The following KLF12 variants were observed in gnomAD, a reference collection of about 807,000 sequenced individuals.
The protein encoded by KLF12 is Krueppel-like factor 12.
In KLF12, 9 loss-of-function variants were observed where a neutral mutation model predicts 37.8. That is an observed-to-expected ratio of 0.24 (90% CI 0.14 to 0.42). The LOEUF (loss-of-function observed/expected upper bound fraction) is 0.42. Ranked by LOEUF, KLF12 falls within the 10% of genes least tolerant of loss-of-function variation. KLF12 has a pLI of 1.00. For missense variants in KLF12, 411 were observed against 516.0 expected (o/e 0.80, Z 1.97); for synonymous variants, 208 against 202.1 (o/e 1.03, Z -0.25).
chr13:73,781,388 C>T (rs1275061898), intron 5 of KLF12, among the ~76,000 whole-genome samples: 2 of 152,158 alleles, frequency 1.3e-5, no homozygotes, highest in East Asian at 3.9e-4. Context: ...AGGTACACCA[C>T]TATTTATTTT....
intron 1 of KLF12, among the ~76,000 whole-genome samples, chr13:74,121,289 C>A (rs1389986704): frequency 1.3e-5 from 2 of 152,044 alleles, no homozygotes; most frequent in African/African-American, 2.4e-5. Flanking sequence ...CCAGTAAATT[C>A]TCCCATACTT....
chr13:74,156,814 T>G, the KLF12 span, among the ~76,000 whole-genome samples: 1 of 152,236 alleles, frequency 6.6e-6, no homozygotes, highest in Non-Finnish European at 1.5e-5. Context: ...TCACTCTTTT[T>G]TCAATATGAC....
At chr13:74,216,330 G>T in the KLF12 span, among the ~76,000 whole-genome samples, 1 of 152,134 alleles carries the variant, frequency 6.6e-6, no homozygotes, top group South Asian at 2.1e-4. Context: ...TTTCAGTGGG[G>T]TTAGGTTTAA....
Position 73,883,219 on chromosome 13 carries a change from T to C in KLF12, c.124-36846A>G, listed in dbSNP as rs546170827. On this transcript the variant is annotated intron_variant, in intron 3 of 7. Transcript: ENST00000377669. ...TATTAAAAAGCAACTTCAATGAGAA[T>C]AGCAATAAACTCTTTAAAAACAAAA... 2.6e-5 allele frequency among the ~76,000 whole-genome samples: 4 copies of C among 152,280 alleles called. No homozygotes were observed. The South Asian group carries it at 8.3e-4, about 32-fold the overall frequency.
At chr13:74,032,358 G>A (rs945082645) in intron 1 of KLF12, among the ~76,000 whole-genome samples, 6 of 151,928 alleles carry the variant, frequency 3.9e-5, no homozygotes, top group African/African-American at 7.3e-5. Flanking sequence ...TTATGTAGCC[G>A]CATAAATGCT....
chr13:74,275,878 CTTCTTTCTTTCT>C, the KLF12 span, among the ~76,000 whole-genome samples: 2,522 of 52,772 alleles, frequency 0.048, 147 homozygotes, highest in South Asian at 0.09. Flanking sequence ...ATCTTTCTTT[CTTCTTTCTTTCT>C]TTCTTTCTTT....
chr13:74,201,301 C>T, the KLF12 span, among the ~76,000 whole-genome samples: 1 of 152,178 alleles, frequency 6.6e-6, no homozygotes, highest in East Asian at 1.9e-4. Context: ...CAACACCAGT[C>T]TGTATTGGTC....
chr13:74,141,328 C>T, the KLF12 span, among the ~76,000 whole-genome samples: 1 of 151,872 alleles, frequency 6.6e-6, no homozygotes, highest in African/African-American at 2.4e-5. Flanking sequence ...TTAGTTCTAC[C>T]ATAGTTGAAG....
chr13:73,705,369 G>T (rs1248737782), intron 7 of KLF12, among the ~76,000 whole-genome samples: 3 of 152,172 alleles, frequency 2.0e-5, no homozygotes, highest in African/African-American at 7.2e-5. Context: ...TGCCTCCCAG[G>T]TTCAAGCGAT....
At chr13:73,753,940 T>C (rs1878966201) in intron 6 of KLF12, among the ~76,000 whole-genome samples, 1 of 152,168 alleles carries the variant, frequency 6.6e-6, no homozygotes, top group African/African-American at 2.4e-5. Flanking sequence ...TTGTATTTTT[T>C]TGGAGCCCTT....
chr13:73,829,389 A>G lies in KLF12; in HGVS notation c.671-16102T>C, dbSNP rs192491472. Among the ~76,000 whole-genome samples the G allele has an allele frequency of 3.7e-3, 568 of 152,318 alleles. 2 individuals carry two copies. The highest frequency in any genetic ancestry group is 0.013 in the African/African-American group (539 of 41,566). On this transcript the variant is annotated intron_variant, in intron 4 of 7. Coordinates refer to ENST00000377669, the MANE Select transcript of KLF12 (RefSeq NM_007249.5). ...TACTGTAATCAACATATCTGTTTAA[A>G]TAATAAGGATATTTTTCTCAGATGT...
rs919420829 is a variant in KLF12, at chr13:73,693,314, A to T, written c.*2176T>A. On this transcript the variant is annotated 3_prime_UTR_variant, in exon 8 of 8. Transcript: ENST00000377669. ...AGTAGGAGTTGCATATAGTACAAAA[A>T]AACTTTCCAGGTGCTAAAAAAAACC... is the stretch of plus-strand genomic sequence containing the variant. The T allele has an allele frequency of 6.6e-6, 1 of 152,082 alleles. No homozygotes were observed. The highest frequency in any genetic ancestry group is 2.4e-5 in the African/African-American group (1 of 41,410). The allele number at this position is 152,082 out of a possible 1,614,324, so 9.4% of individuals were successfully genotyped here.
chr13:73,815,365 TA>T, intron 4 of KLF12, among the ~76,000 whole-genome samples: 1 of 152,290 alleles, frequency 6.6e-6, no homozygotes, highest in Middle Eastern at 3.4e-3. Flanking sequence ...CAGGCTAACT[TA>T]TATTAAAAGG....
upstream of KLF12, among the ~76,000 whole-genome samples, chr13:74,138,475 C>G (rs1285275764): frequency 6.6e-6 from 1 of 152,194 alleles, no homozygotes; most frequent in East Asian, 1.9e-4. Context: ...TAAAAGCCTT[C>G]CTATAACTGC....
At chr13:74,216,071 G>A in the KLF12 span, among the ~76,000 whole-genome samples, 32 of 152,138 alleles carry the variant, frequency 2.1e-4, no homozygotes, top group African/African-American at 5.8e-4. Flanking sequence ...TTCAGGTAAT[G>A]AGCCCATCTG....
chr13:74,089,364 G>A (rs1035824413), intron 1 of KLF12, among the ~76,000 whole-genome samples: 110 of 152,174 alleles, frequency 7.2e-4, no homozygotes, highest in African/African-American at 2.4e-3. Flanking sequence ...AATAATGATG[G>A]TGGTGACTCT....
the KLF12 span, among the ~76,000 whole-genome samples, chr13:74,182,760 T>G: frequency 6.6e-6 from 1 of 152,186 alleles, no homozygotes; most frequent in East Asian, 1.9e-4. Context: ...CCACAAAACA[T>G]TAACAACATT....
chr13:74,188,765 G>A, the KLF12 span, among the ~76,000 whole-genome samples: 6 of 152,146 alleles, frequency 3.9e-5, no homozygotes, highest in Non-Finnish European at 8.8e-5. Flanking sequence ...GAAGGCCGAG[G>A]CAGGTGGATC....
intron 1 of KLF12, among the ~76,000 whole-genome samples, chr13:74,081,838 A>G (rs1337447299): frequency 1.3e-5 from 2 of 152,156 alleles, no homozygotes; most frequent in Non-Finnish European, 2.9e-5. Context: ...TAAAACTATC[A>G]ATTTCAACTA....
Sources: gnomAD v4.1 joint callset for allele counts (sites outside exome capture counted in the v4.1 genomes callset) on GRCh38, gnomAD v4.1.1 for gene constraint, MANE v1.5 for transcripts, NCBI Gene and HGNC (gene_info 2026-07-23, HGNC 2026-07-21) for gene names.